The following AGPAT2 variants were observed in gnomAD, a reference collection of about 807,000 sequenced individuals.
AGPAT2 encodes the protein 1-acyl-sn-glycerol-3-phosphate acyltransferase beta.
Under a neutral mutation model 26.1 loss-of-function variants are expected in AGPAT2, and 18 were observed. The observed-to-expected ratio is 0.69, with a 90% confidence interval of 0.48 to 1.02. AGPAT2 has a LOEUF of 1.02. AGPAT2 is among the 50% of genes least tolerant of loss of function. The pLI is 0.00. For synonymous variants in AGPAT2, 200 were observed against 174.2 expected (o/e 1.15, Z -1.16); for missense variants, 415 against 394.9 (o/e 1.05, Z -0.43).
At chr9:136,676,354 A>G (rs547752117) in intron 4 of AGPAT2, among the ~76,000 whole-genome samples, 104 of 152,330 alleles carry the variant, frequency 6.8e-4, no homozygotes, top group African/African-American at 2.5e-3. Context: ...CACCAAGGGC[A>G]GCTGGTCACT....
chr9:136,674,069 G>T (rs751384599), intron 5 of AGPAT2, 142 bp from the exon 6 acceptor site: 127 of 764,824 alleles, frequency 1.7e-4, no homozygotes, highest in Non-Finnish European at 2.3e-4. Context: ...GGACTCCCTA[G>T]CCGTGGTGGG....
chr9:136,673,691 C>G lies in AGPAT2; in HGVS notation c.*61G>C. On this transcript the variant is annotated 3_prime_UTR_variant, in exon 6 of 6. Coordinates refer to ENST00000371696, the MANE Select transcript of AGPAT2 (RefSeq NM_006412.4). ...GGAAGCCGGGAGGAGTCCCCTCTGCCCATCCTCCAGCCATCGGCTTCCACC... is the reference window on the plus strand; with the variant it reads ...GGAAGCCGGGAGGAGTCCCCTCTGCGCATCCTCCAGCCATCGGCTTCCACC... The G allele has an allele frequency of 6.8e-7, 1 of 1,476,748 alleles. No individual in the cohort carries two copies. Among genetic ancestry groups the G allele is most frequent in the Non-Finnish European group, 9.1e-7 (1 of 1,100,478 alleles). 91.5% of individuals were successfully genotyped at this position (1,476,748 alleles called of 1,614,324 possible). A position where few individuals can be genotyped will look rare whatever the true frequency, so the allele number is the denominator to read the frequency against.
chr9:136,677,401 C>T (rs754463756), intron 2 of AGPAT2, 22 bp downstream of exon 2: 1 of 1,612,996 alleles, frequency 6.2e-7, no homozygotes, highest in Non-Finnish European at 8.5e-7. Flanking sequence ...ACCCCAGAAG[C>T]CACCCCCGAG....
intron 4 of AGPAT2, 117 bp downstream of exon 4, chr9:136,676,468 G>A: frequency 1.3e-6 from 1 of 782,268 alleles, no homozygotes; most frequent in East Asian, 2.7e-5. Flanking sequence ...CTCAGTGGGA[G>A]GAGTCCCTTG....
rs1554754454 is a variant in AGPAT2, at chr9:136,677,465, A to G, written c.274T>C (p.Cys92Arg). Reference sequence around the variant, plus strand: ...CTCTGGTGGTTGGAGACGATGACACAGGGACGGGCCTCCTGCAGCCTGCGC... The same window carrying G: ...CTCTGGTGGTTGGAGACGATGACACGGGGACGGGCCTCCTGCAGCCTGCGC... ...DPRRLQEARP[C>R]VIVSNHQSIL... is the part of the protein sequence containing the mutation. Residue 92 changes from cysteine to arginine, a missense_variant, in exon 2 of 6, where the codon TGT (cysteine) becomes CGT (arginine). Coordinates refer to ENST00000371696, the MANE Select transcript of AGPAT2 (RefSeq NM_006412.4). 1 of 1,613,120 alleles carries G rather than the reference A, an allele frequency of 6.2e-7. No homozygotes were observed. The highest frequency in any genetic ancestry group is 8.5e-7 in the Non-Finnish European group (1 of 1,179,948).
chr9:136,682,899 TC>T (rs1247595734), intron 1 of AGPAT2, among the ~76,000 whole-genome samples: 1 of 152,098 alleles, frequency 6.6e-6, no homozygotes, highest in Non-Finnish European at 1.5e-5. Context: ...GGGATTTGGA[TC>T]CCATTTCCCT....
At chr9:136,687,016 A>AC (rs1267433226) in intron 1 of AGPAT2, among the ~76,000 whole-genome samples, 160 bp downstream of exon 1, 1 of 151,732 alleles carries the variant, frequency 6.6e-6, no homozygotes, top group Non-Finnish European at 1.5e-5. Flanking sequence ...TGACTCCGGG[A>AC]CCCCCTCCTG....
chr9:136,683,731 G>A (rs921441907), intron 1 of AGPAT2, among the ~76,000 whole-genome samples: 2 of 152,202 alleles, frequency 1.3e-5, no homozygotes, highest in African/African-American at 4.8e-5. Flanking sequence ...CCCTCAGTCA[G>A]GACAGCTCCA....
chr9:136,677,038 A>C lies in AGPAT2; in HGVS notation c.415T>G (p.Phe139Val), dbSNP rs372935354. ...VGLIMYLGGV[F>V]FINRQRSSTA... The stretch of plus-strand genomic sequence containing the variant: ...CTAGAGCGCTGCCGGTTGATGAAGA[A>C]GACGCCCCCGAGGTACATGATGAGG... The change falls in exon 3 of 6, where the codon TTC (phenylalanine) becomes GTC (valine). Residue 139 changes from phenylalanine to valine, a missense_variant. Physicochemically the swap from Phe to Val is conservative, Grantham distance 50. Coordinates refer to ENST00000371696, the MANE Select transcript of AGPAT2 (RefSeq NM_006412.4). 210 of 1,613,040 alleles carry C rather than the reference A, an allele frequency of 1.3e-4. No individual in the cohort carries two copies. The highest frequency in any genetic ancestry group is 1.6e-4 in the Non-Finnish European group (194 of 1,179,990).
chr9:136,681,435 G>A (rs1444602505), intron 1 of AGPAT2, among the ~76,000 whole-genome samples: 2 of 152,240 alleles, frequency 1.3e-5, no homozygotes, highest in Admixed American at 6.5e-5. Context: ...TGAGGCCACC[G>A]CACTTCCCCC....
At chr9:136,681,285 CCCCAGGCCAGCGGGAGGCTGT>C (rs1430752566) in intron 1 of AGPAT2, among the ~76,000 whole-genome samples, 11 of 152,182 alleles carry the variant, frequency 7.2e-5, no homozygotes, top group African/African-American at 2.7e-4. Context: ...ACGGAGGCTG[CCCCAGGCCAGCGGGAGGCTGT>C]GGCTCTCTAG....
At chr9:136,686,489 G>A (rs1229114902) in intron 1 of AGPAT2, among the ~76,000 whole-genome samples, 3 of 152,222 alleles carry the variant, frequency 2.0e-5, no homozygotes, top group African/African-American at 7.2e-5. Context: ...CCCACCTTCT[G>A]GAAGGCGTCC....
At position 136,687,368 on chromosome 9, in the gene AGPAT2, G is replaced by A. The variant is rs975149082; in HGVS notation, c.-11C>T. On this transcript the variant is annotated 5_prime_UTR_variant, in exon 1 of 6. Coordinates refer to ENST00000371696, the MANE Select transcript of AGPAT2 (RefSeq NM_006412.4). ...CGGCCACAGCTCCATGGCCCGGCCC[G>A]GCGCCCGACGGCGCCGCCAGCTCGC... The A allele has an allele frequency of 2.4e-5, 35 of 1,445,570 alleles. 1 individual carries two copies. The South Asian group carries it at 2.5e-4, about 10-fold the overall frequency. The allele number at this position is 1,445,570 out of a possible 1,614,324, so 89.5% of individuals were successfully genotyped here.
chr9:136,687,306 C>CCAA lies in AGPAT2; in HGVS notation c.51_52insTTG (p.Leu17dup). 6.3e-7 allele frequency: 1 copy of CCAA among 1,575,590 alleles called. No homozygotes were observed. The highest frequency in any genetic ancestry group is 8.6e-7 in the Non-Finnish European group (1 of 1,166,010). On this transcript the variant is annotated inframe_insertion, in exon 1 of 6. Transcript: ENST00000371696. Reference sequence around the variant, plus strand: ...AACTCGGCCGCGCGGCTCAGCTGCACCAGCAGCAGCAGCAACAGCAGCGCC... The same window carrying CCAA: ...AACTCGGCCGCGCGGCTCAGCTGCACCAACAGCAGCAGCAGCAACAGCAGCGCC...
chr9:136,677,801 C>T (rs767366032), intron 1 of AGPAT2, among the ~76,000 whole-genome samples: 36 of 152,238 alleles, frequency 2.4e-4, no homozygotes, highest in Non-Finnish European at 4.4e-4. Context: ...GCCTCTGGAA[C>T]TCGGATGCTA....
At chr9:136,673,950 C>T in intron 5 of AGPAT2, 23 bp from the exon 6 acceptor site, 1 of 1,506,954 alleles carries the variant, frequency 6.6e-7, no homozygotes, top group Non-Finnish European at 8.9e-7. Context: ...CAACAGACCT[C>T]AGTGGCCTGT....
chr9:136,686,896 C>G (rs1235697103), intron 1 of AGPAT2, among the ~76,000 whole-genome samples: 2 of 152,250 alleles, frequency 1.3e-5, no homozygotes, highest in African/African-American at 2.4e-5. Context: ...CGCCGGGCTG[C>G]AGGGACGCGG....
At chr9:136,682,312 G>A (rs115703612) in intron 1 of AGPAT2, among the ~76,000 whole-genome samples, 2,922 of 152,252 alleles carry the variant, frequency 0.019, 100 homozygotes, top group African/African-American at 0.065. Context: ...ACTGTCCCCA[G>A]GCTTCCCCCA....
chr9:136,681,816 A>G (rs1358467238), intron 1 of AGPAT2, among the ~76,000 whole-genome samples: 1 of 152,130 alleles, frequency 6.6e-6, no homozygotes, highest in African/African-American at 2.4e-5. Flanking sequence ...ACACAAAAAA[A>G]GTGTTTCCTC....
Sources: allele counts gnomAD v4.1 joint callset (sites outside exome capture counted in the v4.1 genomes callset), GRCh38; gene constraint gnomAD v4.1.1; transcripts MANE v1.5; gene names NCBI Gene and HGNC (gene_info 2026-07-23, HGNC 2026-07-21).